Variants in PHF24 observed in about 807,000 individuals in gnomAD.
PHF24 encodes the protein PHD finger protein 24.
PHF24 carries 25 observed loss-of-function variants against 42.6 expected under a neutral mutation model. That is an observed-to-expected ratio of 0.59 (90% CI 0.43 to 0.82). The LOEUF is 0.82. Ranked by LOEUF, PHF24 falls within the 40% of genes least tolerant of loss-of-function variation. The pLI, the probability that PHF24 is intolerant of heterozygous loss-of-function variation, is 0.00. For synonymous variants in PHF24, 185 were observed against 204.8 expected, an observed-to-expected ratio of 0.90 and a Z score of 0.83; for missense variants, 470 against 538.1, an observed-to-expected ratio of 0.87 and a Z score of 1.25.
upstream of PHF24, chr9:34,958,254 C>CGCCGCCGCCTCCTCA (rs1170900175): frequency 6.4e-6 from 1 of 156,152 alleles, no homozygotes; most frequent in African/African-American, 2.5e-5. The surrounding 1 kb of genome is among the most constrained non-coding windows in gnomAD (Gnocchi z 4.5). Context: ...CCGCCGCCGC[C>CGCCGCCGCCTCCTCA]GCCTCCTCAG....
At chr9:34,914,301 C>T in the PHF24 span, among the ~76,000 whole-genome samples, 1 of 152,056 alleles carries the variant, frequency 6.6e-6, no homozygotes, top group African/African-American at 2.4e-5. Context: ...GTAGATATAG[C>T]ATTTATTAAA....
At chr9:34,683,966 T>C in the PHF24 span, among the ~76,000 whole-genome samples, 5 of 152,228 alleles carry the variant, frequency 3.3e-5, no homozygotes, top group Non-Finnish European at 7.3e-5. Context: ...TGGAGGCCTA[T>C]CTGGACCATC....
chr9:34,799,925 C>G, the PHF24 span, among the ~76,000 whole-genome samples: 1 of 151,826 alleles, frequency 6.6e-6, no homozygotes, highest in Non-Finnish European at 1.5e-5. Flanking sequence ...TTACTGGGAG[C>G]TAAATAATGT....
At chr9:34,708,596 C>G in the PHF24 span, among the ~76,000 whole-genome samples, 1 of 152,168 alleles carries the variant, frequency 6.6e-6, no homozygotes, top group Non-Finnish European at 1.5e-5. Context: ...TCCTAGGGAC[C>G]CTTCCAAAGA....
At chr9:34,687,591 G>T in the PHF24 span, among the ~76,000 whole-genome samples, 4 of 152,198 alleles carry the variant, frequency 2.6e-5, no homozygotes, top group Non-Finnish European at 5.9e-5. Flanking sequence ...CATGGAGGTA[G>T]CGTCCAGGGG....
At chr9:34,890,536 T>C in the PHF24 span, among the ~76,000 whole-genome samples, 2 of 152,216 alleles carry the variant, frequency 1.3e-5, no homozygotes, top group Non-Finnish European at 2.9e-5. Flanking sequence ...GTAGCTCTGC[T>C]GCACTGTCTT....
chr9:34,725,057 C>T, the PHF24 span: 24 of 1,551,946 alleles, frequency 1.5e-5, no homozygotes, highest in African/African-American at 3.1e-4. Flanking sequence ...GTCCGGGTCA[C>T]TTGCTGTCTG....
the PHF24 span, chr9:34,725,126 G>A: frequency 1.3e-6 from 2 of 1,549,966 alleles, no homozygotes; most frequent in Non-Finnish European, 1.7e-6. Flanking sequence ...CAGGACCCCA[G>A]AAATTCTGCA....
At chr9:34,667,169 A>C in the PHF24 span, among the ~76,000 whole-genome samples, 1 of 152,214 alleles carries the variant, frequency 6.6e-6, no homozygotes, top group Admixed American at 6.5e-5. Flanking sequence ...AAGGCCCAGT[A>C]CTGAGCTGTA....
At chr9:34,752,107 T>C in the PHF24 span, among the ~76,000 whole-genome samples, 2 of 151,244 alleles carry the variant, frequency 1.3e-5, no homozygotes, top group African/African-American at 4.9e-5. Flanking sequence ...AGTAGAAAAA[T>C]TTCAGATAAC....
At chr9:34,844,098 A>G in the PHF24 span, among the ~76,000 whole-genome samples, 2 of 152,126 alleles carry the variant, frequency 1.3e-5, no homozygotes, top group East Asian at 1.9e-4. Context: ...TGTTCCTGGT[A>G]GGCTCTTATG....
At chr9:34,730,983 A>G in the PHF24 span, among the ~76,000 whole-genome samples, 3 of 152,320 alleles carry the variant, frequency 2.0e-5, no homozygotes, top group East Asian at 5.8e-4. Context: ...CTTTGTATCT[A>G]TTTTATTTCA....
At chr9:34,779,198 G>A in the PHF24 span, among the ~76,000 whole-genome samples, 2 of 151,642 alleles carry the variant, frequency 1.3e-5, no homozygotes, top group Non-Finnish European at 2.9e-5. Flanking sequence ...AAAAAGAAGA[G>A]CAAACTAAAT....
the PHF24 span, among the ~76,000 whole-genome samples, chr9:34,880,864 A>T: frequency 6.6e-6 from 1 of 152,200 alleles, no homozygotes; most frequent in Admixed American, 6.5e-5. Context: ...GACCTAATAG[A>T]TATCTACAGA....
At chr9:34,831,493 C>T in the PHF24 span, among the ~76,000 whole-genome samples, 1 of 152,078 alleles carries the variant, frequency 6.6e-6, no homozygotes, top group Non-Finnish European at 1.5e-5. Context: ...TTCCCAGAAA[C>T]TTCAGTGCTC....
chr9:34,769,336 G>A, the PHF24 span, among the ~76,000 whole-genome samples: 1 of 152,048 alleles, frequency 6.6e-6, no homozygotes, highest in African/African-American at 2.4e-5. Flanking sequence ...GGCCAGGCTG[G>A]TCTTGAACTC....
the PHF24 span, among the ~76,000 whole-genome samples, chr9:34,790,192 T>C: frequency 6.6e-6 from 1 of 152,148 alleles, no homozygotes; most frequent in African/African-American, 2.4e-5. Context: ...TACATAATTG[T>C]TTTGGGATAA....
the PHF24 span, among the ~76,000 whole-genome samples, chr9:34,789,970 C>T: frequency 6.6e-6 from 1 of 152,186 alleles, no homozygotes; most frequent in Non-Finnish European, 1.5e-5. Context: ...TCTCAGCCTC[C>T]TGAATAGCTG....
the PHF24 span, among the ~76,000 whole-genome samples, chr9:34,771,226 C>T: frequency 6.6e-6 from 1 of 152,348 alleles, no homozygotes; most frequent in Middle Eastern, 3.4e-3. Context: ...GTGCCAGCAT[C>T]ATAGACTGTA....
Sources: gnomAD v4.1 joint callset for allele counts (sites outside exome capture counted in the v4.1 genomes callset) on GRCh38, gnomAD v4.1.1 for gene constraint, Gnocchi (gnomAD v3.1) non-coding constraint, MANE v1.5 for transcripts, NCBI Gene and HGNC (gene_info 2026-07-23, HGNC 2026-07-21) for gene names.